Variants in TRIM4 observed in about 807,000 individuals in gnomAD.
The protein encoded by TRIM4 is tripartite motif containing 4.
Under a neutral mutation model 33.7 loss-of-function variants are expected in TRIM4, and 29 were observed. The observed-to-expected ratio is 0.86, with a 90% CI of 0.64 to 1.17. The LOEUF (loss-of-function observed/expected upper bound fraction) is 1.17. Ranked by LOEUF, TRIM4 falls within the 50% of genes most tolerant of loss-of-function variation. The pLI is 0.00. For synonymous variants in TRIM4, 224 were observed against 233.0 expected, an observed-to-expected ratio of 0.96 and a Z score of 0.35; for missense variants, 554 against 593.7, an observed-to-expected ratio of 0.93 and a Z score of 0.69.
At position 99,903,618 on chromosome 7, in the gene TRIM4, A is replaced by G. The variant is rs1350673487; in HGVS notation, c.721-20T>C. ...TGGATTCTGTGAAAAGAAGGAAGAC[A>G]TAAGCAAATTACGAACCTTCTCCTG... On this transcript the variant is annotated intron_variant, in intron 3 of 5. Transcript: ENST00000349062. 9 of 1,614,256 alleles carry G rather than the reference A, an allele frequency of 5.6e-6. No homozygotes were observed. Among genetic ancestry groups the G allele is most frequent in the Non-Finnish European group, 7.6e-6 (9 of 1,180,028 alleles).
At chr7:99,898,084 T>G (rs1209928495) in intron 5 of TRIM4, among the ~76,000 whole-genome samples, 3 of 152,244 alleles carry the variant, frequency 2.0e-5, no homozygotes, top group South Asian at 4.1e-4. Context: ...CTTGAGTACC[T>G]GGAGCCATGT....
In TRIM4 at chr7:99,892,071, G is replaced by GGATAGA. The variant is rs1171582025; in HGVS notation, c.*86_*91dup. The GGATAGA allele has an allele frequency of 1.5e-5, 17 of 1,159,654 alleles. No individual in the cohort carries two copies. Among genetic ancestry groups the GGATAGA allele is most frequent in the African/African-American group, 3.1e-5 (2 of 64,396 alleles). 71.8% of individuals were successfully genotyped at this position (1,159,654 alleles called of 1,614,324 possible). On this transcript the variant is annotated 3_prime_UTR_variant, in exon 6 of 6. Coordinates refer to ENST00000349062, the MANE Select transcript of TRIM4 (RefSeq NM_033091.3). ...GGAGACCCAGAAGATGGACCATCCA[G>GGATAGA]GATAGAGACATGAAGGGCAGAAGAG... is the stretch of plus-strand genomic sequence containing the variant.
rs1048955555 is a variant in TRIM4, at chr7:99,919,473, G to A, written c.-72C>T. 2.1e-6 allele frequency: 3 copies of A among 1,420,124 alleles called. No individual in the cohort carries two copies. Among genetic ancestry groups the A allele is most frequent in the African/African-American group, 3.0e-5 (2 of 66,376 alleles). 88.0% of individuals were successfully genotyped at this position (1,420,124 alleles called of 1,614,324 possible). On this transcript the variant is annotated 5_prime_UTR_variant, in exon 1 of 6. Coordinates refer to ENST00000349062, the MANE Select transcript of TRIM4 (RefSeq NM_033091.3). The stretch of plus-strand genomic sequence containing the variant: ...AGGCCAGCAAGCTGCGAGCGGCCGC[G>A]GGGAGGCCAGACGACTTCCGAACCG...
intron 5 of TRIM4, chr7:99,901,341 C>T (rs1467837643): frequency 6.6e-6 from 1 of 152,190 alleles, no homozygotes; most frequent in Non-Finnish European, 1.5e-5. Context: ...GTTTTAAAGT[C>T]CTTCCATGCT....
intron 3 of TRIM4, among the ~76,000 whole-genome samples, chr7:99,905,684 ATAAT>A (rs1819285976): frequency 6.6e-6 from 1 of 152,138 alleles, no homozygotes; most frequent in Non-Finnish European, 1.5e-5. Flanking sequence ...ATGTCTCTAT[ATAAT>A]ATCAGATTTT....
Position 99,919,110 on chromosome 7 carries a change from A to C in TRIM4, c.292T>G (p.Cys98Gly), listed in dbSNP as rs762053152. 21 of 1,526,270 alleles carry C rather than the reference A, an allele frequency of 1.4e-5. No homozygotes were observed. Among genetic ancestry groups the C allele is most frequent in the Non-Finnish European group, 1.8e-5 (21 of 1,136,716 alleles). 94.5% of individuals were successfully genotyped at this position (1,526,270 alleles called of 1,614,324 possible). A position where few individuals can be genotyped will look rare whatever the true frequency, so the allele number is the denominator to read the frequency against. The change falls in exon 1 of 6, where the codon TGC becomes GGC. Residue 98 changes from cysteine (C) to glycine (G), a missense_variant. Cys to Gly is a radical substitution (Grantham distance 159, BLOSUM62 -3). Around this residue, in one of 3 missense-constraint regions of TRIM4, gnomAD observed 233 missense variants for 203.1 expected, o/e 1.15. Transcript: ENST00000349062. ...GRHWEPLRLF[C>G]EDDQRPVCLV... ...CACACTGGCCGCTGGTCGTCCTCGC[A>C]GAAGAGCCGCAGCGGCTCCCAGTGG...
At chr7:99,913,137 A>G (rs2151651740) in intron 1 of TRIM4, among the ~76,000 whole-genome samples, 1 of 152,342 alleles carries the variant, frequency 6.6e-6, no homozygotes, top group South Asian at 2.1e-4. Flanking sequence ...TCTATGTCTT[A>G]AAAAGCCTTA....
At chr7:99,902,912 A>G (rs759351518) in intron 5 of TRIM4, among the ~76,000 whole-genome samples, 2 of 151,854 alleles carry the variant, frequency 1.3e-5, no homozygotes, top group African/African-American at 4.8e-5. Context: ...TTTCTGTAAC[A>G]TTTTATTCCT....
intron 5 of TRIM4, among the ~76,000 whole-genome samples, chr7:99,899,141 G>A (rs1248499530): frequency 7.2e-5 from 11 of 152,196 alleles, no homozygotes; most frequent in Non-Finnish European, 1.0e-4. Context: ...TATGGTCTAA[G>A]AAGACTGTGT....
At chr7:99,893,163 A>G (rs1270981336) in intron 5 of TRIM4, among the ~76,000 whole-genome samples, 2 of 152,194 alleles carry the variant, frequency 1.3e-5, no homozygotes. Context: ...GTTACTGGGG[A>G]GGCTGAGGCA....
intron 5 of TRIM4, chr7:99,902,010 T>C (rs1819183419): frequency 2.9e-6 from 2 of 690,084 alleles, no homozygotes; most frequent in Non-Finnish European, 5.3e-6. Flanking sequence ...CAGCCTTACA[T>C]GGTCTGGAAA....
chr7:99,906,678 GACC>G, intron 3 of TRIM4, among the ~76,000 whole-genome samples: 1 of 151,788 alleles, frequency 6.6e-6, no homozygotes, highest in African/African-American at 2.4e-5. Flanking sequence ...GAAACCCAAG[GACC>G]AATTTAAAAA....
At chr7:99,905,653 C>T (rs1332257720) in intron 3 of TRIM4, among the ~76,000 whole-genome samples, 1 of 152,172 alleles carries the variant, frequency 6.6e-6, no homozygotes, top group African/African-American at 2.4e-5. Context: ...AGTAACCACC[C>T]TCCAGTTGTG....
chr7:99,904,681 T>TA (rs1491059493), intron 3 of TRIM4, among the ~76,000 whole-genome samples: 2 of 152,118 alleles, frequency 1.3e-5, no homozygotes, highest in Admixed American at 6.6e-5. Context: ...TTCATTTTTT[T>TA]AAAAAAACTG....
At chr7:99,914,134 A>C (rs1819501993) in intron 1 of TRIM4, among the ~76,000 whole-genome samples, 1 of 152,188 alleles carries the variant, frequency 6.6e-6, no homozygotes, top group South Asian at 2.1e-4. Flanking sequence ...CTTTTGTCTG[A>C]CAACTACAAT....
chr7:99,911,093 CA>C (rs371480222), intron 1 of TRIM4, among the ~76,000 whole-genome samples: 1 of 152,164 alleles, frequency 6.6e-6, no homozygotes, highest in African/African-American at 2.4e-5. Context: ...GCCTGTGGGA[CA>C]TCCAAGTGGA....
At chr7:99,911,190 G>C (rs1400518903) in intron 1 of TRIM4, among the ~76,000 whole-genome samples, 1 of 152,152 alleles carries the variant, frequency 6.6e-6, no homozygotes, top group Non-Finnish European at 1.5e-5. Flanking sequence ...TGGAGCCTTG[G>C]GTGAGCGTAA....
intron 5 of TRIM4, among the ~76,000 whole-genome samples, chr7:99,902,700 C>T (rs79810349): frequency 6.6e-6 from 1 of 152,024 alleles, no homozygotes; most frequent in Non-Finnish European, 1.5e-5. Flanking sequence ...TACCTTTCCT[C>T]AAAATACACC....
At chr7:99,897,968 G>A (rs1336128515) in intron 5 of TRIM4, among the ~76,000 whole-genome samples, 1 of 152,228 alleles carries the variant, frequency 6.6e-6, no homozygotes, top group African/African-American at 2.4e-5. Context: ...TTCACCAACT[G>A]GGTGCACATG....
Sources: gnomAD v4.1 joint callset for allele counts (sites outside exome capture counted in the v4.1 genomes callset) on GRCh38, gnomAD v4.1.1 for gene constraint, gnomAD v4.1.1 regional missense constraint, MANE v1.5 for transcripts, NCBI Gene and HGNC (gene_info 2026-07-23, HGNC 2026-07-21) for gene names.